The following SOD2 variants were observed in gnomAD, a reference collection of about 807,000 sequenced individuals.
SOD2 encodes superoxide dismutase 2, also known as superoxide dismutase [Mn], mitochondrial.
A neutral mutation model predicts 27.0 loss-of-function variants in SOD2; 11 were observed. That is an observed-to-expected ratio of 0.41 (90% CI 0.26 to 0.67). The LOEUF (loss-of-function observed/expected upper bound fraction) is 0.67. SOD2 is among the 30% of genes least tolerant of loss of function. The pLI is 0.34. For synonymous variants in SOD2, 105 were observed against 103.0 expected (o/e 1.02, Z -0.12); for missense variants, 250 against 274.5 (o/e 0.91, Z 0.63).
chr6:159,739,824 C>CTTTTTTTTTTTT (rs56389349), intron 1 of SOD2, among the ~76,000 whole-genome samples: 5 of 85,158 alleles, frequency 5.9e-5, no homozygotes, highest in East Asian at 4.6e-4. Flanking sequence ...CACTTTTTAC[C>CTTTTTTTTTTTT]TTTTTTTTTT....
At chr6:159,759,062 T>A (rs993403281) in intron 1 of SOD2, among the ~76,000 whole-genome samples, 24 of 149,802 alleles carry the variant, frequency 1.6e-4, no homozygotes. Flanking sequence ...TTATTTTATT[T>A]CTTTTTTTTT....
upstream of SOD2, chr6:159,727,476 G>GGGCGGGGCCGGGC (rs1257055480): frequency 1.7e-5 from 17 of 993,520 alleles, no homozygotes; most frequent in South Asian, 4.3e-5. Context: ...CCGTGCGGCG[G>GGGCGGGGCCGGGC]GGCGGGGCCG....
At chr6:159,727,556 C>A (rs867150630), upstream of SOD2, 11 of 988,884 alleles carry the variant, frequency 1.1e-5, no homozygotes, top group Non-Finnish European at 1.3e-5. Context: ...AAGGGGAGCG[C>A]AGGGGTTGCG....
Position 159,692,647 on chromosome 6 carries a change from AGCCTG to A in SOD2, c.226+9_226+13del. The A allele has an allele frequency of 1.2e-6, 2 of 1,612,150 alleles. No homozygotes were observed. Among genetic ancestry groups the A allele is most frequent in the Non-Finnish European group, 1.7e-6 (2 of 1,178,986 alleles). On this transcript the variant is annotated intron_variant, in intron 2 of 4. Transcript: ENST00000538183. ...TGCCGGGGACTGCCTCCCGCCGCTC[AGCCTG>A]GAACCTACCCTTGGCCAACGCCTCC...
At chr6:159,726,122 T>A (rs1778161765) in intron 1 of SOD2, 1 of 152,504 alleles carries the variant, frequency 6.6e-6, no homozygotes, top group African/African-American at 2.4e-5. Flanking sequence ...GGTATAAGAA[T>A]AAACACAAGT....
At chr6:159,685,902 A>T in intron 3 of SOD2, among the ~76,000 whole-genome samples, 1 of 152,168 alleles carries the variant, frequency 6.6e-6, no homozygotes, top group East Asian at 1.9e-4. Flanking sequence ...TTTGTTAGGA[A>T]AGAAATACTA....
chr6:159,762,025 T>C (rs1274659226), exon 1 of SOD2: 1 of 1,590,634 alleles, frequency 6.3e-7, no homozygotes, highest in Admixed American at 1.7e-5. Flanking sequence ...GCCTGTGGGC[T>C]GCGAGGAGGA....
intron 1 of SOD2, among the ~76,000 whole-genome samples, chr6:159,752,613 T>C (rs1378611323): frequency 2.0e-5 from 3 of 152,234 alleles, no homozygotes; most frequent in East Asian, 1.9e-4. Context: ...ACTGGTCTTA[T>C]TTTTGTGTCA....
upstream of SOD2, among the ~76,000 whole-genome samples, chr6:159,745,753 T>G (rs894573800): frequency 6.6e-6 from 1 of 152,142 alleles, no homozygotes; most frequent in Non-Finnish European, 1.5e-5. Flanking sequence ...GTATGAAAGA[T>G]AGATTTGAGA....
chr6:159,734,045 G>T (rs1778753296), intron 1 of SOD2, among the ~76,000 whole-genome samples: 1 of 152,188 alleles, frequency 6.6e-6, no homozygotes, highest in Non-Finnish European at 1.5e-5. Flanking sequence ...ATAACAGTAT[G>T]ATTAGAATGT....
intron 1 of SOD2, chr6:159,754,975 AT>A: frequency 6.7e-7 from 1 of 1,489,194 alleles, no homozygotes; most frequent in African/African-American, 1.4e-5. Flanking sequence ...CTAAAGAAAC[AT>A]TTTTCAATGT....
At chr6:159,756,936 T>A (rs1583114323) in intron 1 of SOD2, among the ~76,000 whole-genome samples, 1 of 152,002 alleles carries the variant, frequency 6.6e-6, no homozygotes, top group Non-Finnish European at 1.5e-5. Context: ...GCAGCGTTGG[T>A]TTTTTGTGAC....
intron 1 of SOD2, among the ~76,000 whole-genome samples, chr6:159,752,754 T>C (rs1412407330): frequency 3.3e-5 from 5 of 152,200 alleles, no homozygotes; most frequent in Non-Finnish European, 7.3e-5. Context: ...AAAACTTCCC[T>C]CTCTCCTCCT....
upstream of SOD2, chr6:159,693,301 G>A (rs1480411087): frequency 4.9e-6 from 3 of 615,746 alleles, no homozygotes; most frequent in African/African-American, 5.9e-5. Flanking sequence ...CGCGACCCCA[G>A]CTGCGCCGCA....
At chr6:159,748,804 A>G (rs1480733447), upstream of SOD2, 1 of 1,232,376 alleles carries the variant, frequency 8.1e-7, no homozygotes, top group African/African-American at 1.6e-5. This position sits in a 1 kb window ranked among gnomAD's most constrained non-coding sequence, Gnocchi z 5.6. Flanking sequence ...ATTCCAGTAA[A>G]ATGTAAAAAC....
chr6:159,727,113 C>G, intron 1 of SOD2: 2 of 1,193,846 alleles, frequency 1.7e-6, no homozygotes, highest in Non-Finnish European at 2.1e-6. Context: ...CCCCTCCCCT[C>G]GGCCGCTTCC....
chr6:159,726,195 G>C (rs73022767), intron 1 of SOD2: 322 of 152,504 alleles, frequency 2.1e-3, no homozygotes, highest in Non-Finnish European at 2.5e-3. Context: ...TAATTTCAAC[G>C]TGTATTTCCA....
chr6:159,761,608 A>G, exon 1 of SOD2: 1 of 456,090 alleles, frequency 2.2e-6, no homozygotes, highest in South Asian at 1.6e-5. Flanking sequence ...CGCACTCGAG[A>G]TTCTCGCCCG....
chr6:159,727,622 C>G (rs1381635593), upstream of SOD2: 2 of 985,988 alleles, frequency 2.0e-6, no homozygotes, highest in African/African-American at 1.7e-5. Flanking sequence ...GCGCGGTGGC[C>G]CGGGGGGCCC....
Sources: gnomAD v4.1 joint callset for allele counts (sites outside exome capture counted in the v4.1 genomes callset) on GRCh38, gnomAD v4.1.1 for gene constraint, Gnocchi (gnomAD v3.1) non-coding constraint, MANE v1.5 for transcripts, NCBI Gene and HGNC (gene_info 2026-07-23, HGNC 2026-07-21) for gene names.